The following NKAIN3 variants were observed in gnomAD, a reference collection of about 807,000 sequenced individuals.
NKAIN3 encodes the protein sodium/potassium-transporting ATPase subunit beta-1-interacting protein 3.
In NKAIN3, 25 loss-of-function variants were observed where a neutral mutation model predicts 30.2. That is an observed-to-expected ratio of 0.83 (90% CI 0.60 to 1.16). The LOEUF is 1.16. Among genes scored for constraint, NKAIN3 ranks in the 50% most tolerant of loss-of-function variants. The pLI, the probability that NKAIN3 is intolerant of heterozygous loss-of-function variation, is 0.00. For synonymous variants in NKAIN3, 91 were observed against 89.6 expected, an observed-to-expected ratio of 1.02 and a Z score of -0.09; for missense variants, 225 against 254.1, an observed-to-expected ratio of 0.89 and a Z score of 0.78.
intron 3 of NKAIN3, among the ~76,000 whole-genome samples, chr8:62,662,325 A>G (rs1049873936): frequency 3.9e-5 from 6 of 152,196 alleles, no homozygotes; most frequent in Non-Finnish European, 8.8e-5. Context: ...TTTTCTGTCA[A>G]CATTCTCATC....
chr8:62,953,715 G>T (rs1433705866), intron 5 of NKAIN3, among the ~76,000 whole-genome samples, 187 bp from the exon 6 acceptor site: 1 of 151,956 alleles, frequency 6.6e-6, no homozygotes, highest in African/African-American at 2.4e-5. Context: ...GGTTATTTCT[G>T]TATTTTTTAA....
intron 1 of NKAIN3, among the ~76,000 whole-genome samples, chr8:62,356,931 G>A: frequency 6.6e-6 from 1 of 151,982 alleles, no homozygotes; most frequent in East Asian, 1.9e-4. Flanking sequence ...TAGGCAACAT[G>A]GCGAAACCAT....
Position 62,901,655 on chromosome 8 carries a change from C to T in NKAIN3, c.472-16798C>T, listed in dbSNP as rs547060966. Among the ~76,000 whole-genome samples the T allele has an allele frequency of 8.5e-5, 13 of 152,286 alleles. No homozygotes were observed. In the South Asian group the frequency reaches 1.2e-3, roughly 15 times the overall value. ...CACATTTCACTAGGTAGGACTTTTA[C>T]GTACGTCCCGCAAGTTAGGAAGGCC... On this transcript the variant is annotated intron_variant, in intron 4 of 6. Coordinates refer to ENST00000623646, the MANE Select transcript of NKAIN3 (RefSeq NM_001304533.3).
chr8:62,385,182 A>G (rs1213440755), intron 1 of NKAIN3, among the ~76,000 whole-genome samples: 1 of 152,112 alleles, frequency 6.6e-6, no homozygotes, highest in African/African-American at 2.4e-5. Flanking sequence ...AATGGAGGTA[A>G]TCATTGTCTT....
At chr8:62,712,267 A>T (rs1814748535) in intron 3 of NKAIN3, among the ~76,000 whole-genome samples, 1 of 152,152 alleles carries the variant, frequency 6.6e-6, no homozygotes, top group Admixed American at 6.5e-5. Context: ...TAGTATGGGT[A>T]GGAACTGGCA....
intron 1 of NKAIN3, among the ~76,000 whole-genome samples, chr8:62,373,519 A>C (rs1816973168): frequency 2.0e-5 from 3 of 152,200 alleles, no homozygotes; most frequent in African/African-American, 7.2e-5. Context: ...ATACTCTGCC[A>C]GTTTGGAAAT....
intron 1 of NKAIN3, among the ~76,000 whole-genome samples, chr8:62,438,676 C>G (rs974047945): frequency 6.6e-6 from 1 of 152,168 alleles, no homozygotes; most frequent in African/African-American, 2.4e-5. Context: ...ATTCTCCTGC[C>G]TCAGCCTCTC....
intron 4 of NKAIN3, among the ~76,000 whole-genome samples, chr8:62,747,658 C>T (rs1257788307): frequency 6.6e-6 from 1 of 152,176 alleles, no homozygotes; most frequent in Non-Finnish European, 1.5e-5. Flanking sequence ...TGTGATTAGT[C>T]CACAGAAGGT....
At chr8:62,358,876 A>G (rs960766855) in intron 1 of NKAIN3, among the ~76,000 whole-genome samples, 2 of 152,220 alleles carry the variant, frequency 1.3e-5, no homozygotes, top group African/African-American at 4.8e-5. Context: ...CTATTTTGTT[A>G]GCCATGTTTT....
chr8:62,542,587 A>G (rs1433173350), intron 1 of NKAIN3, among the ~76,000 whole-genome samples: 1 of 152,170 alleles, frequency 6.6e-6, no homozygotes, highest in Admixed American at 6.5e-5. Context: ...AGACCATTTG[A>G]GTTCCTCTAT....
intron 3 of NKAIN3, among the ~76,000 whole-genome samples, chr8:62,696,532 T>C (rs1814159576): frequency 6.6e-6 from 1 of 152,202 alleles, no homozygotes; most frequent in Admixed American, 6.5e-5. Flanking sequence ...AAGGAAAGTC[T>C]GCATCTGTTA....
intron 1 of NKAIN3, among the ~76,000 whole-genome samples, chr8:62,510,211 T>C (rs1295873293): frequency 1.3e-5 from 2 of 152,118 alleles, no homozygotes; most frequent in Admixed American, 6.6e-5. Flanking sequence ...TAGTTAGGTA[T>C]TGTATCTGTT....
chr8:62,514,338 T>G (rs1042474196), intron 1 of NKAIN3, among the ~76,000 whole-genome samples: 40 of 152,134 alleles, frequency 2.6e-4, no homozygotes, highest in Non-Finnish European at 1.8e-4. Flanking sequence ...TGAGATGTGC[T>G]TTAAAACATA....
At chr8:62,642,966 A>G (rs1481417923) in intron 3 of NKAIN3, among the ~76,000 whole-genome samples, 1 of 152,172 alleles carries the variant, frequency 6.6e-6, no homozygotes, top group Non-Finnish European at 1.5e-5. Context: ...TATTAAGCAC[A>G]AAAGGGACAC....
intron 1 of NKAIN3, among the ~76,000 whole-genome samples, chr8:62,382,650 A>G (rs1817312737): frequency 6.6e-6 from 1 of 152,108 alleles, no homozygotes; most frequent in South Asian, 2.1e-4. Context: ...CAATTTGTCT[A>G]ATGTCAATTC....
chr8:62,328,937 G>A (rs1291869481), intron 1 of NKAIN3, among the ~76,000 whole-genome samples: 2 of 151,952 alleles, frequency 1.3e-5, no homozygotes, highest in Non-Finnish European at 2.9e-5. Context: ...CAGAATTGAT[G>A]GTATGTTACT....
rs112188356 is a variant in NKAIN3, at chr8:62,289,475, C to T, written c.54+40348C>T. On this transcript the variant is annotated intron_variant, in intron 1 of 6. Transcript: ENST00000623646. ...TTTCTACATATGGCTAGCCAGTTTTCCCAGCACCATTTATTAAATAGGGAA... is the reference window on the plus strand; with the variant it reads ...TTTCTACATATGGCTAGCCAGTTTTTCCAGCACCATTTATTAAATAGGGAA... Among the ~76,000 whole-genome samples the T allele has an allele frequency of 3.1e-3, 472 of 152,256 alleles. 4 individuals carry two copies. Among genetic ancestry groups the T allele is most frequent in the African/African-American group, 0.011 (461 of 41,558 alleles).
intron 1 of NKAIN3, among the ~76,000 whole-genome samples, chr8:62,520,368 T>C (rs932778961): frequency 1.3e-5 from 2 of 152,146 alleles, no homozygotes; most frequent in African/African-American, 4.8e-5. Flanking sequence ...AGTAAAAACA[T>C]AAAGTAAAAT....
chr8:62,935,742 G>A (rs1822765180), intron 5 of NKAIN3, among the ~76,000 whole-genome samples: 1 of 152,050 alleles, frequency 6.6e-6, no homozygotes, highest in East Asian at 1.9e-4. Flanking sequence ...GCACAATGTA[G>A]GGAAAATAAT....
Sources: gnomAD v4.1 joint callset for allele counts (sites outside exome capture counted in the v4.1 genomes callset) on GRCh38, gnomAD v4.1.1 for gene constraint, MANE v1.5 for transcripts, NCBI Gene and HGNC (gene_info 2026-07-23, HGNC 2026-07-21) for gene names.